WWOX: variants seen among roughly 807,000 people sequenced by gnomAD.
WWOX encodes WW domain-containing oxidoreductase.
Under a neutral mutation model 46.2 loss-of-function variants are expected in WWOX, and 69 were observed. The ratio of observed to expected loss-of-function variants is 1.49; its 90% CI spans 1.23 to 1.82. WWOX has a LOEUF of 1.82. WWOX is among the 40% of genes most tolerant of loss of function. The pLI, the probability that WWOX is intolerant of heterozygous loss-of-function variation, is 0.00. For synonymous variants in WWOX, 359 were observed against 202.6 expected (o/e 1.77, Z -6.56); for missense variants, 919 against 542.6 (o/e 1.69, Z -6.89).
chr16:78,975,001 C>G (rs1210202455), intron 8 of WWOX, among the ~76,000 whole-genome samples: 1 of 152,172 alleles, frequency 6.6e-6, no homozygotes, highest in Non-Finnish European at 1.5e-5. Context: ...TCCCCAGCCC[C>G]TCTTCTCTCC....
At chr16:78,430,159 C>T (rs1215633944) in intron 7 of WWOX, among the ~76,000 whole-genome samples, 1 of 152,140 alleles carries the variant, frequency 6.6e-6, no homozygotes, top group Non-Finnish European at 1.5e-5. Flanking sequence ...CATCAGGCAA[C>T]AGAGTATGTG....
chr16:78,922,489 G>C (rs527335997), intron 8 of WWOX, among the ~76,000 whole-genome samples: 13 of 150,346 alleles, frequency 8.6e-5, no homozygotes, highest in African/African-American at 1.7e-4. Flanking sequence ...AGCGATTCTC[G>C]TGCCTCAGCC....
chr16:78,418,213 G>C (rs1178444486), intron 6 of WWOX, among the ~76,000 whole-genome samples: 1 of 151,702 alleles, frequency 6.6e-6, no homozygotes, highest in African/African-American at 2.4e-5. Context: ...ACAAAAACAA[G>C]ATTAGTGGGG....
intron 8 of WWOX, among the ~76,000 whole-genome samples, chr16:78,514,222 G>C (rs907068211): frequency 6.6e-6 from 1 of 152,140 alleles, no homozygotes; most frequent in African/African-American, 2.4e-5. Context: ...AAAAAGAGCA[G>C]ATTTTAATAT....
At chr16:78,691,138 A>G (rs1177165748) in intron 8 of WWOX, 1 of 658,602 alleles carries the variant, frequency 1.5e-6, no homozygotes, top group East Asian at 2.7e-5. Context: ...AGAAGTTCAT[A>G]AAAGCAAAAG....
intron 8 of WWOX, among the ~76,000 whole-genome samples, chr16:79,172,036 G>T (rs767529894): frequency 6.6e-6 from 1 of 152,196 alleles, no homozygotes; most frequent in Non-Finnish European, 1.5e-5. Flanking sequence ...TCCTGCAGAA[G>T]CCTGTGGAGC....
intron 6 of WWOX, among the ~76,000 whole-genome samples, chr16:78,388,231 A>G (rs1456128241): frequency 1.3e-5 from 2 of 152,194 alleles, no homozygotes; most frequent in African/African-American, 4.8e-5. Context: ...GGGTTTCACC[A>G]TATTGGTCAG....
chr16:79,199,795 T>A (rs144984653), intron 8 of WWOX, among the ~76,000 whole-genome samples: 1 of 152,292 alleles, frequency 6.6e-6, no homozygotes, highest in East Asian at 1.9e-4. Context: ...TGGCTTGTGT[T>A]CCTCGCTGAC....
At chr16:78,244,018 C>G (rs573723242) in intron 5 of WWOX, among the ~76,000 whole-genome samples, 4 of 152,342 alleles carry the variant, frequency 2.6e-5, no homozygotes, top group African/African-American at 9.6e-5. Context: ...GACTGCCCCT[C>G]TGAAAGCCCT....
chr16:78,791,018 C>T (rs1479583721), intron 8 of WWOX, among the ~76,000 whole-genome samples: 2 of 62,454 alleles, frequency 3.2e-5, no homozygotes, highest in Non-Finnish European at 5.7e-5. Flanking sequence ...GACCCTGTCT[C>T]AAAAAAAAAA....
At chr16:78,611,146 T>C (rs1185835512) in intron 8 of WWOX, among the ~76,000 whole-genome samples, 1 of 152,158 alleles carries the variant, frequency 6.6e-6, no homozygotes, top group Non-Finnish European at 1.5e-5. Flanking sequence ...AGAGATTTGC[T>C]TATTGAAACG....
At chr16:78,132,217 G>A (rs948804422) in intron 4 of WWOX, among the ~76,000 whole-genome samples, 1 of 150,920 alleles carries the variant, frequency 6.6e-6, no homozygotes, top group Non-Finnish European at 1.5e-5. Context: ...TAGTAGAGAC[G>A]GGGTTTCACC....
chr16:78,542,140 G>T (rs1342563552), intron 8 of WWOX, among the ~76,000 whole-genome samples: 2 of 148,684 alleles, frequency 1.3e-5, no homozygotes, highest in South Asian at 4.4e-4. Flanking sequence ...AATTTCTATC[G>T]ACACTAGACA....
chr16:78,221,061 A>C (rs2036871112), intron 5 of WWOX, among the ~76,000 whole-genome samples: 1 of 152,168 alleles, frequency 6.6e-6, no homozygotes, highest in African/African-American at 2.4e-5. Flanking sequence ...CTTGGAGTAG[A>C]TTTTATTATA....
rs535813159 is a variant in WWOX, at chr16:78,861,457, CAT to C, written c.1057-350150_1057-350149del. 8.5e-5 allele frequency among the ~76,000 whole-genome samples: 13 copies of C among 152,342 alleles called. No individual in the cohort carries two copies. In the South Asian group the frequency reaches 2.5e-3, roughly 29 times the overall value. On this transcript the variant is annotated intron_variant, in intron 8 of 8. Coordinates refer to ENST00000566780, the MANE Select transcript of WWOX (RefSeq NM_016373.4). Reference sequence around the variant, plus strand: ...TACCATCCAGATTCAGTAATTATTACATGTGGCCATTGTTGTTTTATCTCTCT... The same window carrying C: ...TACCATCCAGATTCAGTAATTATTACGTGGCCATTGTTGTTTTATCTCTCT...
intron 8 of WWOX, among the ~76,000 whole-genome samples, chr16:78,769,553 ATTT>A (rs2050013409): frequency 2.3e-5 from 1 of 44,146 alleles, no homozygotes; most frequent in Non-Finnish European, 4.2e-5. Flanking sequence ...TTATTTATTT[ATTT>A]ATTTATTTAT....
chr16:78,878,322 A>G (rs79794624), intron 8 of WWOX, among the ~76,000 whole-genome samples: 1 of 152,196 alleles, frequency 6.6e-6, no homozygotes, highest in African/African-American at 2.4e-5. Context: ...TGGGAAGTAC[A>G]GACTTTGCAG....
At chr16:78,315,627 G>A (rs147730855) in intron 5 of WWOX, among the ~76,000 whole-genome samples, 1 of 152,140 alleles carries the variant, frequency 6.6e-6, no homozygotes, top group Non-Finnish European at 1.5e-5. Flanking sequence ...TCCAGCCTGG[G>A]TGACAGAGCA....
At chr16:78,649,173 C>G (rs776848331) in intron 8 of WWOX, among the ~76,000 whole-genome samples, 1 of 152,010 alleles carries the variant, frequency 6.6e-6, no homozygotes, top group African/African-American at 2.4e-5. Flanking sequence ...TTAGTAGAGA[C>G]GGGATTTCAC....
Sources: allele counts gnomAD v4.1 joint callset (sites outside exome capture counted in the v4.1 genomes callset), GRCh38; gene constraint gnomAD v4.1.1; transcripts MANE v1.5; gene names NCBI Gene and HGNC (gene_info 2026-07-23, HGNC 2026-07-21).